Variants in EHHADH observed in about 807,000 individuals in gnomAD.
The protein encoded by EHHADH is enoyl-CoA hydratase and 3-hydroxyacyl CoA dehydrogenase.
In EHHADH, 48 loss-of-function variants were observed where a neutral mutation model predicts 64.4. The observed-to-expected ratio is 0.75, with a 90% CI of 0.59 to 0.95. The LOEUF (loss-of-function observed/expected upper bound fraction) is 0.95, where lower values mean the gene tolerates loss of function less well. Among genes scored for constraint, EHHADH ranks in the 40% least tolerant of loss-of-function variants. The pLI is 0.00. For missense variants in EHHADH, 854 were observed against 876.6 expected (o/e 0.97, Z 0.33); for synonymous variants, 308 against 326.7 (o/e 0.94, Z 0.62).
intron 3 of EHHADH, among the ~76,000 whole-genome samples, chr3:185,232,508 G>T (rs1258448124): frequency 6.6e-6 from 1 of 152,168 alleles, no homozygotes; most frequent in Non-Finnish European, 1.5e-5. Context: ...GAGTGCAATG[G>T]TGCGATCTCG....
intron 5 of EHHADH, among the ~76,000 whole-genome samples, chr3:185,217,124 C>T (rs1454121766): frequency 6.6e-6 from 1 of 152,086 alleles, no homozygotes; most frequent in Non-Finnish European, 1.5e-5. Context: ...AATGTGGTCC[C>T]CAGTGTTTGA....
chr3:185,191,651 AC>A lies in EHHADH; in HGVS notation c.*574del, dbSNP rs1717871644. ...CTAAGACCCTTCTTACACTAAGTTA[AC>A]GACTTACTACTTTCTATTATTTCTC... On this transcript the variant is annotated 3_prime_UTR_variant, in exon 7 of 7. Transcript: ENST00000231887. 1 of 153,114 alleles carries A rather than the reference AC, an allele frequency of 6.5e-6. No homozygotes were observed. Among genetic ancestry groups the A allele is most frequent in the Admixed American group, 6.5e-5 (1 of 15,372 alleles). 9.5% of individuals were successfully genotyped at this position (153,114 alleles called of 1,614,324 possible). A position where few individuals can be genotyped will look rare whatever the true frequency, so the allele number is the denominator to read the frequency against.
rs942628426 is a variant in EHHADH at position 185,229,864 on chromosome 3, C to G, written c.352-321G>C. On this transcript the variant is annotated intron_variant, in intron 3 of 6. Coordinates refer to ENST00000231887, the MANE Select transcript of EHHADH (RefSeq NM_001966.4). ...GGAGTCCTGCAAGAATCAGGAAACA[C>G]AAGAAAGTGAAAAGACAACCCACAG... Among the ~76,000 whole-genome samples, 5 of 152,096 alleles carry G rather than the reference C, an allele frequency of 3.3e-5. No homozygotes were observed. In the East Asian group the frequency reaches 7.7e-4, roughly 23 times the overall value.
intron 1 of EHHADH, among the ~76,000 whole-genome samples, chr3:185,252,994 T>C (rs753347399): frequency 2.5e-4 from 38 of 151,982 alleles, no homozygotes; most frequent in Non-Finnish European, 4.6e-4. Context: ...AAAGGCAACA[T>C]TGATCTCACT....
chr3:185,216,855 C>T lies in EHHADH; in HGVS notation c.568+1281G>A, dbSNP rs1014598674. ...ATTATTTTTTTCTGGCTATTTTTAC[C>T]CTCTCCATCTTGCTCATTTAAAGAT... On this transcript the variant is annotated intron_variant, in intron 5 of 6. Transcript: ENST00000231887. The surrounding 1 kb of genome is among the most constrained non-coding windows in gnomAD (Gnocchi z 5.3). Among the ~76,000 whole-genome samples the T allele has an allele frequency of 2.6e-5, 4 of 151,990 alleles. No homozygotes were observed. The highest frequency in any genetic ancestry group is 6.6e-5 in the Admixed American group (1 of 15,242).
At chr3:185,221,271 C>T (rs1052247225) in intron 4 of EHHADH, among the ~76,000 whole-genome samples, 3 of 152,272 alleles carry the variant, frequency 2.0e-5, no homozygotes, top group Admixed American at 1.3e-4. Context: ...ATATTTTAGG[C>T]TTCTTTGCTT....
chr3:185,228,818 T>A (rs374829302), intron 4 of EHHADH, among the ~76,000 whole-genome samples: 4 of 152,314 alleles, frequency 2.6e-5, no homozygotes, highest in South Asian at 4.2e-4. Flanking sequence ...ATTACAATTT[T>A]TTTTTAGATG....
intron 1 of EHHADH, among the ~76,000 whole-genome samples, chr3:185,250,264 T>C (rs145078340): frequency 1.1e-3 from 171 of 152,316 alleles, no homozygotes; most frequent in African/African-American, 3.8e-3. Context: ...GAGGAAGTCA[T>C]CTGCAGAAGA....
At chr3:185,199,225 G>A (rs1188965912) in intron 6 of EHHADH, among the ~76,000 whole-genome samples, 1 of 152,128 alleles carries the variant, frequency 6.6e-6, no homozygotes, top group East Asian at 1.9e-4. Flanking sequence ...TTTAAGCAAA[G>A]GCAAGAAAAA....
chr3:185,227,525 T>A (rs1719011926), intron 4 of EHHADH, among the ~76,000 whole-genome samples: 1 of 146,130 alleles, frequency 6.8e-6, no homozygotes. Context: ...AGAGTGAAAC[T>A]CGGTCTCAAA....
At chr3:185,252,827 C>G (rs558553786) in intron 1 of EHHADH, among the ~76,000 whole-genome samples, 1 of 152,226 alleles carries the variant, frequency 6.6e-6, no homozygotes, top group East Asian at 1.9e-4. Context: ...AGAATTTTGA[C>G]CAAAGACCTT....
At chr3:185,236,897 G>C (rs916956885) in intron 2 of EHHADH, among the ~76,000 whole-genome samples, 2 of 152,170 alleles carry the variant, frequency 1.3e-5, no homozygotes, top group Non-Finnish European at 2.9e-5. Context: ...TTCATATACT[G>C]TGTCATTTAA....
intron 5 of EHHADH, among the ~76,000 whole-genome samples, chr3:185,210,215 C>T (rs1009204615): frequency 6.6e-6 from 1 of 152,130 alleles, no homozygotes; most frequent in South Asian, 2.1e-4. Flanking sequence ...CCCAGCATTC[C>T]TGGGGGTGCT....
intron 4 of EHHADH, among the ~76,000 whole-genome samples, chr3:185,225,225 T>G (rs1355552359): frequency 2.0e-5 from 3 of 152,114 alleles, no homozygotes; most frequent in African/African-American, 7.2e-5. Context: ...CCTCTCAAAC[T>G]TAACATGTCC....
chr3:185,246,108 TG>T lies in EHHADH; in HGVS notation c.178+2305del, dbSNP rs1719587381. 2.4e-6 allele frequency: 3 copies of T among 1,254,258 alleles called. No homozygotes were observed. The African/African-American group carries it at 4.4e-5, about 18-fold the overall frequency. 77.7% of individuals were successfully genotyped at this position (1,254,258 alleles called of 1,614,324 possible). A position where few individuals can be genotyped will look rare whatever the true frequency, so the allele number is the denominator to read the frequency against. On this transcript the variant is annotated intron_variant, in intron 2 of 6. Transcript: ENST00000231887. ...CAAGCATAATGTCAAGGTCATCCTCTGGTTCAGCTGGTTCTTGAACATCACT... is the reference window on the plus strand; with the variant it reads ...CAAGCATAATGTCAAGGTCATCCTCTGTTCAGCTGGTTCTTGAACATCACT...
rs571750886 is a variant in EHHADH at position 185,251,389 on chromosome 3, A to T, written c.74+2560T>A. 4.6e-5 allele frequency among the ~76,000 whole-genome samples: 7 copies of T among 152,330 alleles called. No individual in the cohort carries two copies. The South Asian group carries it at 1.2e-3, about 27-fold the overall frequency. ...TGCTTTCGGTTACGTGTTTGTATGT[A>T]AGTGTGTCTTGAATTGCTACGTAAA... On this transcript the variant is annotated intron_variant, in intron 1 of 6. Coordinates refer to ENST00000231887, the MANE Select transcript of EHHADH (RefSeq NM_001966.4).
rs1718279338 is a variant in EHHADH at position 185,203,181 on chromosome 3, G to A, written c.910+1235C>T. On this transcript the variant is annotated intron_variant, in intron 6 of 6. Transcript: ENST00000231887. ...GTTTTTTAAAATAAATTATACTGTGGTCATGTATGAGAATATTAATTTTAG... is the reference window on the plus strand; with the variant it reads ...GTTTTTTAAAATAAATTATACTGTGATCATGTATGAGAATATTAATTTTAG... Among the ~76,000 whole-genome samples the A allele has an allele frequency of 1.3e-5, 2 of 151,858 alleles. 1 individual carries two copies. The highest frequency in any genetic ancestry group is 4.2e-4 in the South Asian group (2 of 4,812).
Position 185,192,638 on chromosome 3 carries a change from C to T in EHHADH, c.1760G>A (p.Gly587Asp). Residue 587 changes from glycine to aspartate, a missense_variant, in exon 7 of 7, where the codon GGT becomes GAT. By Grantham distance (94) the Gly-to-Asp change is moderately conservative (BLOSUM62 -1). Coordinates refer to ENST00000231887, the MANE Select transcript of EHHADH (RefSeq NM_001966.4). Reference sequence around the variant, plus strand: ...CCAGGGATCAGGTTTGTGAATCCTACCCAATGGCTTGTCATATTGATACCA... The same window carrying T: ...CCAGGGATCAGGTTTGTGAATCCTATCCAATGGCTTGTCATATTGATACCA... ...KGWYQYDKPL[G>D]RIHKPDPWLS... 1 of 1,614,160 alleles carries T rather than the reference C, an allele frequency of 6.2e-7. No homozygotes were observed. Among genetic ancestry groups the T allele is most frequent in the African/African-American group, 1.3e-5 (1 of 75,032 alleles).
rs763711039 is a variant in EHHADH at position 185,192,590 on chromosome 3, T to C, written c.1808A>G (p.Tyr603Cys). The change falls in exon 7 of 7, where the codon TAT becomes TGT. Residue 603 changes from tyrosine (Y) to cysteine (C), a missense_variant. Transcript: ENST00000231887. ...TGGTTCAATGTGATGGGTTTTTCTA[T>C]ACCGTGATAGGAATTTGGAAAGCCA... ...DPWLSKFLSR[Y>C]RKTHHIEPRT... The C allele has an allele frequency of 6.8e-6, 11 of 1,614,104 alleles. No individual in the cohort carries two copies. Among genetic ancestry groups the C allele is most frequent in the African/African-American group, 4.0e-5 (3 of 74,932 alleles).
Sources: gnomAD v4.1 joint callset for allele counts (sites outside exome capture counted in the v4.1 genomes callset) on GRCh38, gnomAD v4.1.1 for gene constraint, Gnocchi (gnomAD v3.1) non-coding constraint, MANE v1.5 for transcripts, NCBI Gene and HGNC (gene_info 2026-07-23, HGNC 2026-07-21) for gene names.